PDE1C: variants seen among roughly 807,000 people sequenced by gnomAD.
The protein encoded by PDE1C is phosphodiesterase 1C.
PDE1C carries 62 observed loss-of-function variants against 93.1 expected under a neutral mutation model. The observed-to-expected ratio is 0.67, with a 90% CI of 0.54 to 0.82. The LOEUF (loss-of-function observed/expected upper bound fraction) is 0.82. Ranked by LOEUF, PDE1C falls within the 40% of genes least tolerant of loss-of-function variation. The pLI is 0.00. For missense variants in PDE1C, 742 were observed against 884.6 expected, an observed-to-expected ratio of 0.84 and a Z score of 2.04; for synonymous variants, 325 against 310.1, an observed-to-expected ratio of 1.05 and a Z score of -0.50.
chr7:32,111,890 T>G (rs1267158266), intron 3 of PDE1C, among the ~76,000 whole-genome samples: 1 of 152,158 alleles, frequency 6.6e-6, no homozygotes, highest in East Asian at 1.9e-4. Context: ...ATAATATAGA[T>G]GGTCAAATAA....
At chr7:31,653,086 C>A in the PDE1C span, 1 of 805,402 alleles carries the variant, frequency 1.2e-6, no homozygotes, top group Non-Finnish European at 1.7e-6. Flanking sequence ...CTCTGCCCTG[C>A]TAGAACTTAC....
At chr7:31,901,056 T>C (rs1052981222) in intron 2 of PDE1C, among the ~76,000 whole-genome samples, 10 of 151,338 alleles carry the variant, frequency 6.6e-5, no homozygotes, top group African/African-American at 2.2e-4. Flanking sequence ...TAGCCAGGAT[T>C]ATATTTACTG....
intron 2 of PDE1C, among the ~76,000 whole-genome samples, chr7:32,191,558 A>G (rs1281751608): frequency 6.6e-6 from 1 of 151,700 alleles, no homozygotes; most frequent in African/African-American, 2.4e-5. Context: ...TGCATGGATC[A>G]GTAGCTCATT....
intron 1 of PDE1C, among the ~76,000 whole-genome samples, chr7:32,263,083 T>C (rs1285188717): frequency 1.3e-5 from 2 of 152,208 alleles, no homozygotes; most frequent in Non-Finnish European, 2.9e-5. Context: ...TCTCCCGGAA[T>C]GTGTTCAACA....
intron 2 of PDE1C, among the ~76,000 whole-genome samples, chr7:31,992,316 G>A (rs1287935561): frequency 6.6e-6 from 1 of 152,212 alleles, no homozygotes; most frequent in Admixed American, 6.5e-5. Flanking sequence ...TTCCTAAAGA[G>A]GATACCAGCC....
Position 31,807,151 on chromosome 7 carries a change from A to G in PDE1C, c.1891+1880T>C, listed in dbSNP as rs139653161. On this transcript the variant is annotated intron_variant, in intron 16 of 17. Coordinates refer to ENST00000396191, the MANE Select transcript of PDE1C (RefSeq NM_001191057.4). ...GTAATGATGTCATATTAGTCCATCA[A>G]TGAATATAAAATGCAAAGTTGTTCA... is the stretch of plus-strand genomic sequence containing the variant. Among the ~76,000 whole-genome samples, 238 of 152,094 alleles carry G rather than the reference A, an allele frequency of 1.6e-3. 1 individual carries two copies. The highest frequency in any genetic ancestry group is 5.3e-3 in the African/African-American group (219 of 41,534).
At chr7:31,626,058 T>A in the PDE1C span, among the ~76,000 whole-genome samples, 1 of 152,210 alleles carries the variant, frequency 6.6e-6, no homozygotes. Context: ...TCCAAGTTGA[T>A]TCTAAAATCA....
At chr7:32,040,190 A>T (rs956738878) in intron 2 of PDE1C, among the ~76,000 whole-genome samples, 20 of 152,236 alleles carry the variant, frequency 1.3e-4, no homozygotes, top group Non-Finnish European at 2.8e-4. Flanking sequence ...TGTTCTTTAC[A>T]CTTACTAAAA....
At chr7:32,358,810 C>T (rs1653891) in intron 1 of PDE1C, among the ~76,000 whole-genome samples, 93,054 of 151,676 alleles carry the variant, frequency 0.61, 29,853 homozygotes, top group Admixed American at 0.75. Flanking sequence ...GGATTTCGAT[C>T]CAGCATTCCA....
chr7:32,081,189 A>G (rs922637629), intron 3 of PDE1C, among the ~76,000 whole-genome samples: 3 of 152,176 alleles, frequency 2.0e-5, no homozygotes, highest in African/African-American at 4.8e-5. Context: ...GTTCTCCTCA[A>G]TGGGATTTAG....
chr7:32,206,705 TGAG>T (rs1201872259), intron 2 of PDE1C, among the ~76,000 whole-genome samples: 2 of 152,190 alleles, frequency 1.3e-5, no homozygotes, highest in African/African-American at 4.8e-5. Context: ...AGTACCCACA[TGAG>T]GTATTCTTCT....
At chr7:31,707,424 T>G in the PDE1C span, 2 of 642,948 alleles carry the variant, frequency 3.1e-6, no homozygotes, top group Non-Finnish European at 2.7e-6. Flanking sequence ...AGGAGATGTA[T>G]GCCATCAAAT....
At chr7:32,144,124 G>A (rs1263979700) in intron 3 of PDE1C, among the ~76,000 whole-genome samples, 1 of 152,106 alleles carries the variant, frequency 6.6e-6, no homozygotes, top group East Asian at 1.9e-4. Context: ...GATTTGAGGT[G>A]ACAGAAAAGG....
intron 1 of PDE1C, chr7:32,052,257 GC>G: frequency 2.1e-6 from 1 of 467,476 alleles, no homozygotes; most frequent in East Asian, 6.2e-5. Flanking sequence ...CCCAGTTCCA[GC>G]CCACGTCTGT....
chr7:32,395,874 A>AT (rs5883349), intron 1 of PDE1C, among the ~76,000 whole-genome samples: 135,500 of 152,176 alleles, frequency 0.89, 61,646 homozygotes, highest in East Asian at 0.99. Flanking sequence ...TTCTAAAAAA[A>AT]ATATTTTACT....
At chr7:32,274,281 C>T (rs553456770) in intron 1 of PDE1C, among the ~76,000 whole-genome samples, 1 of 150,440 alleles carries the variant, frequency 6.6e-6, no homozygotes, top group Non-Finnish European at 1.5e-5. Context: ...GATCACAGCT[C>T]ACTGCAGCCT....
intron 17 of PDE1C, among the ~76,000 whole-genome samples, chr7:31,772,424 G>T (rs1266146740): frequency 6.6e-6 from 1 of 151,514 alleles, no homozygotes; most frequent in South Asian, 2.1e-4. Flanking sequence ...AGTCCCTTTT[G>T]CTCCACAGGA....
intron 17 of PDE1C, among the ~76,000 whole-genome samples, chr7:31,757,392 C>T (rs1794534212): frequency 6.6e-6 from 1 of 152,094 alleles, no homozygotes; most frequent in African/African-American, 2.4e-5. Flanking sequence ...AAAAAAGAAA[C>T]ATACTAGTAA....
chr7:31,992,855 G>A (rs1369912253), intron 2 of PDE1C, among the ~76,000 whole-genome samples: 1 of 152,090 alleles, frequency 6.6e-6, no homozygotes, highest in Non-Finnish European at 1.5e-5. Context: ...TCAGGATCTT[G>A]GGTGGAAGAC....
Sources: allele counts gnomAD v4.1 joint callset (sites outside exome capture counted in the v4.1 genomes callset), GRCh38; gene constraint gnomAD v4.1.1; transcripts MANE v1.5; gene names NCBI Gene and HGNC (gene_info 2026-07-23, HGNC 2026-07-21).